MARK1: variants seen among roughly 807,000 people sequenced by gnomAD.
MARK1 encodes microtubule affinity regulating kinase 1, also known as serine/threonine-protein kinase MARK1.
In MARK1, 40 loss-of-function variants were observed where a neutral mutation model predicts 96.3. The ratio of observed to expected loss-of-function variants is 0.42; its 90% CI spans 0.32 to 0.54. The LOEUF is 0.54. Ranked by LOEUF, MARK1 falls within the 20% of genes least tolerant of loss-of-function variation. The pLI, the probability that MARK1 is intolerant of heterozygous loss-of-function variation, is 0.16. For synonymous variants in MARK1, 317 were observed against 341.2 expected (o/e 0.93, Z 0.78); for missense variants, 719 against 984.6 (o/e 0.73, Z 3.61).
chr1:220,540,336 A>G (rs1661045470), intron 1 of MARK1, among the ~76,000 whole-genome samples: 1 of 152,180 alleles, frequency 6.6e-6, no homozygotes, highest in Admixed American at 6.5e-5. Context: ...TCCCAGCTGA[A>G]GAAGAGAGAA....
rs1452322200 is a variant in MARK1, at chr1:220,528,800, C to A, written c.-23C>A. ...CACAGCCCGGCCGGCGAGACCCCGG[C>A]CAGACCCCGCTGCCCGCACAAAATG... is the stretch of plus-strand genomic sequence containing the variant. On this transcript the variant is annotated 5_prime_UTR_variant, in exon 1 of 18. Coordinates refer to ENST00000366917, the MANE Select transcript of MARK1 (RefSeq NM_018650.5). 6.5e-7 allele frequency: 1 copy of A among 1,548,052 alleles called. No individual in the cohort carries two copies. Among genetic ancestry groups the A allele is most frequent in the Non-Finnish European group, 8.7e-7 (1 of 1,145,956 alleles).
At chr1:220,541,406 C>T (rs1358901265) in intron 1 of MARK1, among the ~76,000 whole-genome samples, 1 of 152,192 alleles carries the variant, frequency 6.6e-6, no homozygotes, top group Admixed American at 6.5e-5. Context: ...GTGGAATGCT[C>T]TGTATGTCTA....
chr1:220,586,011 A>ACACACACGCACGCG (rs112968910), intron 3 of MARK1, among the ~76,000 whole-genome samples: 6,589 of 148,598 alleles, frequency 0.044, 210 homozygotes, highest in Non-Finnish European at 0.056. Context: ...ACACACACAC[A>ACACACACGCACGCG]CGCGCGCGTG....
chr1:220,604,384 ACT>A (rs1430869184), intron 6 of MARK1, among the ~76,000 whole-genome samples: 1 of 151,992 alleles, frequency 6.6e-6, no homozygotes, highest in East Asian at 1.9e-4. Context: ...CCTTATTAAG[ACT>A]CTCTGAGAGT....
intron 9 of MARK1, among the ~76,000 whole-genome samples, chr1:220,624,064 C>T (rs956302401): frequency 2.0e-5 from 3 of 151,198 alleles, no homozygotes; most frequent in Admixed American, 2.0e-4. Flanking sequence ...TTGGGAGGCC[C>T]AAGGGGGCGG....
intron 13 of MARK1, among the ~76,000 whole-genome samples, chr1:220,642,875 T>C (rs781748139): frequency 1.3e-5 from 2 of 151,930 alleles, no homozygotes; most frequent in Admixed American, 6.6e-5. Flanking sequence ...AAGAGGGGCC[T>C]GAGTGTTAGA....
At chr1:220,621,020 T>TA (rs200164304) in intron 9 of MARK1, among the ~76,000 whole-genome samples, 1,746 of 152,250 alleles carry the variant, frequency 0.011, 29 homozygotes, top group African/African-American at 0.04. Context: ...AGCTTTACAG[T>TA]AAAAAACCTG....
At chr1:220,563,380 G>T (rs905351601) in intron 1 of MARK1, among the ~76,000 whole-genome samples, 3 of 152,124 alleles carry the variant, frequency 2.0e-5, no homozygotes, top group Admixed American at 6.6e-5. Context: ...TGTATTGTAT[G>T]TTACTCATTC....
chr1:220,573,283 T>C (rs1391456685), intron 1 of MARK1, among the ~76,000 whole-genome samples: 1 of 152,166 alleles, frequency 6.6e-6, no homozygotes, highest in African/African-American at 2.4e-5. Flanking sequence ...TGACAGTTTA[T>C]GTGATATTGA....
In MARK1 at chr1:220,618,697, G is replaced by C; in HGVS notation, c.851G>C (p.Cys284Ser). 6.2e-7 allele frequency: 1 copy of C among 1,612,592 alleles called. No individual in the cohort carries two copies. Among genetic ancestry groups the C allele is most frequent in the Non-Finnish European group, 8.5e-7 (1 of 1,179,272 alleles). ...ATTCCCTTCTATATGTCCACAGACT[G>C]TGAAAATCTTCTGAAGAAATTATTA... ...YRIPFYMSTDCENLLKKLLVL... is the reference protein window; with the variant it reads ...YRIPFYMSTDSENLLKKLLVL... Residue 284 changes from cysteine (C) to serine (S), a missense_variant, in exon 9 of 18, where the codon TGT becomes TCT. Cys to Ser is a moderately radical substitution (Grantham distance 112, BLOSUM62 -1). Around this residue, in one of 4 missense-constraint regions of MARK1, gnomAD observed 96 missense variants for 213.1 expected, o/e 0.45. Transcript: ENST00000366917. The surrounding 1 kb of genome is among the most constrained non-coding windows in gnomAD (Gnocchi z 4.6).
chr1:220,571,470 C>G (rs978880669), intron 1 of MARK1, among the ~76,000 whole-genome samples: 6 of 152,138 alleles, frequency 3.9e-5, no homozygotes, highest in African/African-American at 9.7e-5. Context: ...CATAAAAGTA[C>G]TGTCACTGAC....
chr1:220,603,283 G>T (rs1279666254), intron 5 of MARK1, among the ~76,000 whole-genome samples: 4 of 151,928 alleles, frequency 2.6e-5, no homozygotes. Context: ...TTACTAACTA[G>T]AGAAAAAGGA....
At chr1:220,657,217 G>A (rs1669223245) in intron 16 of MARK1, among the ~76,000 whole-genome samples, 1 of 152,148 alleles carries the variant, frequency 6.6e-6, no homozygotes, top group Non-Finnish European at 1.5e-5. Flanking sequence ...GGTAAGGTCA[G>A]TGTTTTTATT....
chr1:220,643,589 A>C (rs1005380804), intron 13 of MARK1, among the ~76,000 whole-genome samples: 13 of 151,980 alleles, frequency 8.6e-5, no homozygotes, highest in African/African-American at 3.1e-4. Flanking sequence ...CCAATAAGAT[A>C]CTCCACAAGA....
At chr1:220,531,098 T>C (rs531671264) in intron 1 of MARK1, among the ~76,000 whole-genome samples, 7 of 152,302 alleles carry the variant, frequency 4.6e-5, no homozygotes, top group Admixed American at 2.0e-4. Flanking sequence ...ATAGGTGTTA[T>C]AGGTGTTTAT....
Position 220,632,187 on chromosome 1 carries a change from T to C in MARK1, c.1010-14T>C. 7.6e-7 allele frequency: 1 copy of C among 1,307,678 alleles called. No homozygotes were observed. The highest frequency in any genetic ancestry group is 1.0e-6 in the Non-Finnish European group (1 of 979,198). The allele number at this position is 1,307,678 out of a possible 1,614,324, so 81.0% of individuals were successfully genotyped here. A position where few individuals can be genotyped will look rare whatever the true frequency, so the allele number is the denominator to read the frequency against. On this transcript the variant is annotated splice_polypyrimidine_tract_variant and intron_variant, in intron 10 of 17. Coordinates refer to ENST00000366917, the MANE Select transcript of MARK1 (RefSeq NM_018650.5). ...AAACCATTTTCAGAAAATTTCTCTT[T>C]TTTAAATTTCTAGACATTATGGTCA...
At chr1:220,607,601 G>T (rs1171550216) in intron 6 of MARK1, among the ~76,000 whole-genome samples, 2 of 151,840 alleles carry the variant, frequency 1.3e-5, no homozygotes, top group East Asian at 3.9e-4. Context: ...TCGTGTGCCG[G>T]TTTTCAAAGG....
Position 220,538,032 on chromosome 1 carries a change from G to T in MARK1, c.51+9159G>T, listed in dbSNP as rs183919747. Among the ~76,000 whole-genome samples the T allele has an allele frequency of 3.7e-3, 565 of 152,202 alleles. 4 individuals carry two copies. Among genetic ancestry groups the T allele is most frequent in the African/African-American group, 0.013 (549 of 41,544 alleles). Reference sequence around the variant, plus strand: ...GTTGTGAAAATTTTGTAGGTTACCTGTTTACTCTGATGGTAGTTTCTTTTG... The same window carrying T: ...GTTGTGAAAATTTTGTAGGTTACCTTTTTACTCTGATGGTAGTTTCTTTTG... On this transcript the variant is annotated intron_variant, in intron 1 of 17. Transcript: ENST00000366917.
intron 13 of MARK1, among the ~76,000 whole-genome samples, chr1:220,646,522 CA>C (rs1668583417): frequency 6.6e-6 from 1 of 152,156 alleles, no homozygotes; most frequent in Non-Finnish European, 1.5e-5. Flanking sequence ...ATTAAACCAC[CA>C]TTGACATTCT....
Sources: allele counts gnomAD v4.1 joint callset (sites outside exome capture counted in the v4.1 genomes callset), GRCh38; gene constraint gnomAD v4.1.1; regional missense constraint gnomAD v4.1.1; non-coding constraint Gnocchi (gnomAD v3.1); transcripts MANE v1.5; gene names NCBI Gene and HGNC (gene_info 2026-07-23, HGNC 2026-07-21).